The following SHISA9 variants were observed in gnomAD, a reference collection of about 807,000 sequenced individuals.
The protein encoded by SHISA9 is shisa family member 9.
Under a neutral mutation model 38.0 loss-of-function variants are expected in SHISA9, and 13 were observed. The observed-to-expected ratio is 0.34, with a 90% CI of 0.22 to 0.54. The LOEUF (loss-of-function observed/expected upper bound fraction) is 0.54. Ranked by LOEUF, SHISA9 falls within the 20% of genes least tolerant of loss-of-function variation. The probability of loss-of-function intolerance (pLI) is 0.91; values close to 1 mark genes in which losing one functional copy is unlikely to be tolerated. For synonymous variants in SHISA9, 275 were observed against 242.0 expected (o/e 1.14, Z -1.27); for missense variants, 538 against 575.8 (o/e 0.93, Z 0.67).
At chr16:13,444,079 T>C in the SHISA9 span, among the ~76,000 whole-genome samples, 2 of 98,594 alleles carry the variant, frequency 2.0e-5, no homozygotes, top group Non-Finnish European at 4.1e-5. Flanking sequence ...TCCTTTTCAT[T>C]GCTGTTAAAT....
the SHISA9 span, among the ~76,000 whole-genome samples, chr16:13,341,160 A>G: frequency 6.6e-6 from 1 of 152,192 alleles, no homozygotes; most frequent in Non-Finnish European, 1.5e-5. Context: ...CCCATTGTAG[A>G]TACTCAATAA....
chr16:13,456,275 C>G, the SHISA9 span, among the ~76,000 whole-genome samples: 1 of 152,180 alleles, frequency 6.6e-6, no homozygotes, highest in East Asian at 1.9e-4. Flanking sequence ...GCACTTCAAC[C>G]TGTTTCCCAC....
intron 4 of SHISA9, among the ~76,000 whole-genome samples, chr16:13,228,968 C>T (rs756630093): frequency 1.3e-5 from 2 of 152,106 alleles, no homozygotes; most frequent in Non-Finnish European, 2.9e-5. Context: ...TGAGGCCAGC[C>T]TGGCCAACAT....
intron 2 of SHISA9, among the ~76,000 whole-genome samples, chr16:13,150,365 G>C (rs1362559981): frequency 6.6e-6 from 1 of 152,112 alleles, no homozygotes; most frequent in Non-Finnish European, 1.5e-5. Flanking sequence ...GCAGACTTGG[G>C]TTTCCTCTGA....
At chr16:13,130,371 G>A (rs1425683095) in intron 2 of SHISA9, among the ~76,000 whole-genome samples, 1 of 152,080 alleles carries the variant, frequency 6.6e-6, no homozygotes, top group Non-Finnish European at 1.5e-5. Context: ...GGTGGGACTT[G>A]GATTCAAACT....
intron 2 of SHISA9, among the ~76,000 whole-genome samples, chr16:12,961,189 G>A (rs2071907176): frequency 6.6e-6 from 1 of 152,154 alleles, no homozygotes. Flanking sequence ...CCAGGCAGAG[G>A]GAACTGCATG....
chr16:13,324,816 A>G, the SHISA9 span, among the ~76,000 whole-genome samples: 1 of 152,228 alleles, frequency 6.6e-6, no homozygotes, highest in Non-Finnish European at 1.5e-5. Context: ...TTGGGGAGAC[A>G]GAAGTTACAG....
the SHISA9 span, among the ~76,000 whole-genome samples, chr16:13,361,190 A>G: frequency 6.6e-6 from 1 of 151,956 alleles, no homozygotes; most frequent in East Asian, 1.9e-4. Flanking sequence ...TTTCTTCTCT[A>G]TCTCTCTGTC....
At chr16:13,052,192 A>G (rs1049915727) in intron 2 of SHISA9, among the ~76,000 whole-genome samples, 2 of 152,234 alleles carry the variant, frequency 1.3e-5, no homozygotes, top group Non-Finnish European at 2.9e-5. Context: ...AAGAAAAAAA[A>G]GAAGCAAGCA....
At chr16:13,517,407 G>C in the SHISA9 span, among the ~76,000 whole-genome samples, 1 of 152,150 alleles carries the variant, frequency 6.6e-6, no homozygotes, top group African/African-American at 2.4e-5. Context: ...AACGAATATG[G>C]TTAGGTCACA....
chr16:13,107,797 G>T (rs1431124866), intron 2 of SHISA9, among the ~76,000 whole-genome samples: 2 of 152,072 alleles, frequency 1.3e-5, no homozygotes, highest in East Asian at 3.9e-4. Flanking sequence ...GAAACAATGG[G>T]GATGAATGAG....
At chr16:13,161,408 C>T (rs1287162400) in intron 2 of SHISA9, among the ~76,000 whole-genome samples, 1 of 152,178 alleles carries the variant, frequency 6.6e-6, no homozygotes, top group Non-Finnish European at 1.5e-5. Context: ...TTCTGAGCAA[C>T]TTCTCTGAAC....
At chr16:13,156,675 A>G (rs1170139966) in intron 2 of SHISA9, among the ~76,000 whole-genome samples, 2 of 150,628 alleles carry the variant, frequency 1.3e-5, no homozygotes, top group African/African-American at 2.4e-5. Flanking sequence ...TGGAGCTCGC[A>G]GTAAGCTGAG....
At chr16:13,410,736 C>A in the SHISA9 span, among the ~76,000 whole-genome samples, 1 of 152,152 alleles carries the variant, frequency 6.6e-6, no homozygotes, top group Non-Finnish European at 1.5e-5. Flanking sequence ...CAGGTTGTGC[C>A]TGAATTAGAT....
At chr16:13,298,195 C>T in the SHISA9 span, among the ~76,000 whole-genome samples, 1 of 152,160 alleles carries the variant, frequency 6.6e-6, no homozygotes, top group African/African-American at 2.4e-5. Flanking sequence ...TATAGAAACT[C>T]ATCAACCTTC....
chr16:12,968,443 T>C (rs2072010475), intron 2 of SHISA9, among the ~76,000 whole-genome samples: 1 of 152,160 alleles, frequency 6.6e-6, no homozygotes, highest in Non-Finnish European at 1.5e-5. Flanking sequence ...GAATGAACTA[T>C]ACCAAAAGAC....
the SHISA9 span, among the ~76,000 whole-genome samples, chr16:13,353,327 G>A: frequency 2.6e-5 from 4 of 152,174 alleles, no homozygotes; most frequent in Non-Finnish European, 4.4e-5. Context: ...GGTATAAAAG[G>A]TCTAAGAATT....
At chr16:13,426,937 AC>A in the SHISA9 span, among the ~76,000 whole-genome samples, 3 of 152,242 alleles carry the variant, frequency 2.0e-5, no homozygotes, top group Non-Finnish European at 4.4e-5. Context: ...TGCTGCAGTA[AC>A]AGGCAACCCC....
At chr16:13,298,168 A>G in the SHISA9 span, among the ~76,000 whole-genome samples, 3 of 152,274 alleles carry the variant, frequency 2.0e-5, no homozygotes, top group African/African-American at 7.2e-5. Flanking sequence ...GTTCAAATAC[A>G]GAGATGCTCC....
Sources: allele counts gnomAD v4.1 joint callset (sites outside exome capture counted in the v4.1 genomes callset), GRCh38; gene constraint gnomAD v4.1.1; transcripts MANE v1.5; gene names NCBI Gene and HGNC (gene_info 2026-07-23, HGNC 2026-07-21).